NIPAL3: variants seen among roughly 807,000 people sequenced by gnomAD.
NIPAL3 encodes the protein NIPA-like protein 3.
A neutral mutation model predicts 47.2 loss-of-function variants in NIPAL3; 41 were observed. The ratio of observed to expected loss-of-function variants is 0.87; its 90% CI spans 0.68 to 1.13. NIPAL3 has a LOEUF of 1.13. NIPAL3 is among the 50% of genes most tolerant of loss of function. The pLI, the probability that NIPAL3 is intolerant of heterozygous loss-of-function variation, is 0.00. For missense variants in NIPAL3, 449 were observed against 530.1 expected (o/e 0.85, Z 1.50); for synonymous variants, 194 against 209.6 (o/e 0.93, Z 0.64).
intron 7 of NIPAL3, among the ~76,000 whole-genome samples, chr1:24,455,604 A>G (rs1330325633): frequency 6.6e-6 from 1 of 152,158 alleles, no homozygotes; most frequent in Non-Finnish European, 1.5e-5. Context: ...GGGTAGCTTG[A>G]GCCCAAGAAT....
rs914731219 is a variant in NIPAL3, at chr1:24,454,626, A to G, written c.637+1122A>G. ...AGTATACAATTCAGTGGTTTTTAGT[A>G]TTTCATAGAGTTGTGAAACCATCAT... is the stretch of plus-strand genomic sequence containing the variant. On this transcript the variant is annotated intron_variant, in intron 7 of 11. Coordinates refer to ENST00000374399, the MANE Select transcript of NIPAL3 (RefSeq NM_020448.5). This position sits in a 1 kb window ranked among gnomAD's most constrained non-coding sequence, Gnocchi z 4.1. The G allele has an allele frequency of 1.2e-5, 10 of 846,838 alleles. No individual in the cohort carries two copies. Among genetic ancestry groups the G allele is most frequent in the Non-Finnish European group, 1.3e-5 (9 of 703,794 alleles). 52.5% of individuals were successfully genotyped at this position (846,838 alleles called of 1,614,324 possible).
chr1:24,435,267 G>A (rs913274323), intron 2 of NIPAL3, among the ~76,000 whole-genome samples: 5 of 152,166 alleles, frequency 3.3e-5, no homozygotes, highest in Admixed American at 3.3e-4. Context: ...ACTCAAAATG[G>A]ATCGGAGAGC....
At position 24,419,036 on chromosome 1, in the gene NIPAL3, A is replaced by G. The variant is rs551585014; in HGVS notation, c.-257-255A>G. On this transcript the variant is annotated intron_variant, in intron 1 of 11. Coordinates refer to ENST00000374399, the MANE Select transcript of NIPAL3 (RefSeq NM_020448.5). The stretch of plus-strand genomic sequence containing the variant: ...CGATGGGAGGAAGGAAGCAGAGTGG[A>G]GGAGGAAAGGGAACATTAAGGGCCA... Among the ~76,000 whole-genome samples the G allele has an allele frequency of 4.0e-5, 6 of 151,488 alleles. No homozygotes were observed. The South Asian group carries it at 1.3e-3, about 32-fold the overall frequency.
At chr1:24,466,658 G>A (rs899862286) in intron 11 of NIPAL3, among the ~76,000 whole-genome samples, 2 of 152,132 alleles carry the variant, frequency 1.3e-5, no homozygotes, top group East Asian at 1.9e-4. Flanking sequence ...GTTCCCCGCC[G>A]TGTACACCTC....
At chr1:24,466,731 C>G (rs1045282513) in intron 11 of NIPAL3, among the ~76,000 whole-genome samples, 5 of 152,188 alleles carry the variant, frequency 3.3e-5, no homozygotes, top group Non-Finnish European at 7.4e-5. Context: ...CTGTTGGTCT[C>G]TGGCTGGAGG....
At chr1:24,433,874 T>C (rs1253673922) in intron 2 of NIPAL3, among the ~76,000 whole-genome samples, 1 of 152,226 alleles carries the variant, frequency 6.6e-6, no homozygotes, top group Non-Finnish European at 1.5e-5. Context: ...TAAGTTGCTA[T>C]TAATCTGAAC....
rs528149797 is a variant in NIPAL3 at position 24,445,736 on chromosome 1, C to G, written c.394+492C>G. Among the ~76,000 whole-genome samples the G allele has an allele frequency of 2.2e-4, 33 of 152,278 alleles. No individual in the cohort carries two copies. The East Asian group carries it at 6.4e-3, about 29-fold the overall frequency. On this transcript the variant is annotated intron_variant, in intron 5 of 11. Transcript: ENST00000374399. ...CTCCCAGTCAGACCTTGGGCGGGTC[C>G]CCCCAAGAAACACTTGGGTTTACAG...
Position 24,449,401 on chromosome 1 carries a change from G to GT in NIPAL3, c.395-74dup, listed in dbSNP as rs1645823053. 1 of 1,475,642 alleles carries GT rather than the reference G, an allele frequency of 6.8e-7. No individual in the cohort carries two copies. Among genetic ancestry groups the GT allele is most frequent in the Admixed American group, 1.9e-5 (1 of 52,854 alleles). The allele number at this position is 1,475,642 out of a possible 1,614,324, so 91.4% of individuals were successfully genotyped here. On this transcript the variant is annotated intron_variant, in intron 5 of 11. Transcript: ENST00000374399. This position sits in a 1 kb window ranked among gnomAD's most constrained non-coding sequence, Gnocchi z 4.5. ...TCATGGTATGTTGCAGGAGAAGCCT[G>GT]TTTTTTCATGGCTGAGAACGTGTAC... is the stretch of plus-strand genomic sequence containing the variant.
chr1:24,417,773 A>G (rs1570153067), intron 1 of NIPAL3, among the ~76,000 whole-genome samples: 1 of 152,320 alleles, frequency 6.6e-6, no homozygotes, highest in Non-Finnish European at 1.5e-5. Flanking sequence ...TCACATATGT[A>G]TGTGCTGTCC....
At chr1:24,443,107 C>T (rs1173035176) in intron 4 of NIPAL3, among the ~76,000 whole-genome samples, 1 of 152,210 alleles carries the variant, frequency 6.6e-6, no homozygotes, top group East Asian at 1.9e-4. Flanking sequence ...TGGCCATTAA[C>T]TTTCTCATCT....
At chr1:24,418,665 A>T (rs1038644345) in intron 1 of NIPAL3, among the ~76,000 whole-genome samples, 1 of 152,056 alleles carries the variant, frequency 6.6e-6, no homozygotes, top group African/African-American at 2.4e-5. Context: ...ATTAGTAGGG[A>T]TTCTCATCAT....
chr1:24,455,818 T>C (rs1557526799), intron 7 of NIPAL3, among the ~76,000 whole-genome samples: 1 of 152,256 alleles, frequency 6.6e-6, no homozygotes, highest in Non-Finnish European at 1.5e-5. Context: ...GCCACAGTGC[T>C]GGGCACTCCG....
At chr1:24,430,300 G>T (rs964927972) in intron 2 of NIPAL3, among the ~76,000 whole-genome samples, 1 of 151,352 alleles carries the variant, frequency 6.6e-6, no homozygotes, top group Non-Finnish European at 1.5e-5. Flanking sequence ...TGGAGTGCAG[G>T]AGTGCAATGG....
At chr1:24,438,816 A>G (rs758952337) in intron 2 of NIPAL3, among the ~76,000 whole-genome samples, 5 of 152,226 alleles carry the variant, frequency 3.3e-5, no homozygotes, top group Admixed American at 6.5e-5. Context: ...ATTGGCCAGC[A>G]TAGAGCATTC....
intron 2 of NIPAL3, among the ~76,000 whole-genome samples, chr1:24,426,793 C>T (rs2148763864): frequency 6.6e-6 from 1 of 152,308 alleles, no homozygotes; most frequent in Non-Finnish European, 1.5e-5. Context: ...CAATTCTACT[C>T]TGCCTTGTCA....
intron 11 of NIPAL3, among the ~76,000 whole-genome samples, chr1:24,467,614 T>C (rs1646753112): frequency 6.6e-6 from 1 of 152,246 alleles, no homozygotes; most frequent in South Asian, 2.1e-4. Context: ...TCGTTATTAG[T>C]CATCCTGAGG....
At chr1:24,430,648 C>T (rs754126241) in intron 2 of NIPAL3, among the ~76,000 whole-genome samples, 2 of 152,176 alleles carry the variant, frequency 1.3e-5, no homozygotes, top group Non-Finnish European at 2.9e-5. Flanking sequence ...TCAGAGCCAC[C>T]TTCATTTTTG....
intron 2 of NIPAL3, among the ~76,000 whole-genome samples, chr1:24,420,836 C>A (rs1248365390): frequency 6.6e-6 from 1 of 152,130 alleles, no homozygotes; most frequent in African/African-American, 2.4e-5. Context: ...AAACCATGAA[C>A]ATCCTGGAGT....
chr1:24,468,413 G>A (rs1426026043), intron 11 of NIPAL3, among the ~76,000 whole-genome samples: 1 of 152,148 alleles, frequency 6.6e-6, no homozygotes, highest in South Asian at 2.1e-4. Context: ...AAGATTAAAG[G>A]CTTTGCCCTC....
Sources: allele counts gnomAD v4.1 joint callset (sites outside exome capture counted in the v4.1 genomes callset), GRCh38; gene constraint gnomAD v4.1.1; non-coding constraint Gnocchi (gnomAD v3.1); transcripts MANE v1.5; gene names NCBI Gene and HGNC (gene_info 2026-07-23, HGNC 2026-07-21).